DAB1: variants seen among roughly 807,000 people sequenced by gnomAD.
DAB1 encodes DAB adaptor protein 1.
DAB1 carries 15 observed loss-of-function variants against 64.6 expected under a neutral mutation model. The ratio of observed to expected loss-of-function variants is 0.23; its 90% CI spans 0.16 to 0.36. DAB1 has a LOEUF of 0.36. Among genes scored for constraint, DAB1 ranks in the 10% least tolerant of loss-of-function variants. The probability of loss-of-function intolerance (pLI) is 1.00; values close to 1 mark genes in which losing one functional copy is unlikely to be tolerated. For missense variants in DAB1, 596 were observed against 706.7 expected (o/e 0.84, Z 1.78); for synonymous variants, 235 against 251.9 (o/e 0.93, Z 0.64).
At chr1:57,318,754 A>ATT (rs201415053) in intron 1 of DAB1, among the ~76,000 whole-genome samples, 7 of 139,156 alleles carry the variant, frequency 5.0e-5, no homozygotes, top group East Asian at 4.1e-4. Context: ...AAAAAAAAAA[A>ATT]TTTCATCGGA....
intron 4 of DAB1, among the ~76,000 whole-genome samples, chr1:57,081,986 T>A (rs1271378120): frequency 6.6e-6 from 1 of 152,146 alleles, no homozygotes; most frequent in Non-Finnish European, 1.5e-5. Flanking sequence ...CAAACTTGAA[T>A]TAAAATACAT....
At chr1:57,095,566 A>G (rs1244801168) in intron 4 of DAB1, among the ~76,000 whole-genome samples, 1 of 152,208 alleles carries the variant, frequency 6.6e-6, no homozygotes. Flanking sequence ...TTGACGATTA[A>G]CGGCATCATA....
At chr1:58,425,370 C>T (rs1280420415) in intron 3 of DAB1, among the ~76,000 whole-genome samples, 1 of 152,224 alleles carries the variant, frequency 6.6e-6, no homozygotes, top group Admixed American at 6.5e-5. Context: ...CAGGGTCCAG[C>T]TGTTTCCCTG....
chr1:57,619,167 A>G (rs1401828307), intron 7 of DAB1, among the ~76,000 whole-genome samples: 1 of 152,206 alleles, frequency 6.6e-6, no homozygotes, highest in Non-Finnish European at 1.5e-5. Context: ...CCTTTATGAC[A>G]GGAATATGAT....
chr1:57,626,470 G>T (rs993333933), intron 7 of DAB1, among the ~76,000 whole-genome samples: 4 of 152,300 alleles, frequency 2.6e-5, no homozygotes, highest in Admixed American at 6.5e-5. Flanking sequence ...GATCATTAGC[G>T]TCAGAGGACG....
chr1:57,980,267 T>C (rs1325839192), intron 5 of DAB1, among the ~76,000 whole-genome samples: 2 of 121,362 alleles, frequency 1.6e-5, no homozygotes, highest in African/African-American at 6.0e-5. Flanking sequence ...CCATGGACTC[T>C]AAGCTCTGAC....
At chr1:58,148,724 A>G (rs563441913) in intron 5 of DAB1, among the ~76,000 whole-genome samples, 3 of 152,060 alleles carry the variant, frequency 2.0e-5, no homozygotes, top group East Asian at 1.9e-4. Flanking sequence ...TTATAAAACC[A>G]TCGGATCTCT....
At position 57,464,062 on chromosome 1, in the gene DAB1, T is replaced by A. The variant is rs561185568; in HGVS notation, n.626-172896A>T. Among the ~76,000 whole-genome samples, 5 of 152,332 alleles carry A rather than the reference T, an allele frequency of 3.3e-5. No homozygotes were observed. In the East Asian group the frequency reaches 9.6e-4, roughly 29 times the overall value. ...CTTGATTTTTTTCTTCGATCCTCAA[T>A]AAATGAATAAATACTTTCTAACATT... On this transcript the variant is annotated intron_variant and non_coding_transcript_variant, in intron 7 of 20. Transcript: ENST00000485760.
intron 7 of DAB1, among the ~76,000 whole-genome samples, chr1:57,476,322 A>T (rs1643937286): frequency 6.6e-6 from 1 of 151,956 alleles, no homozygotes; most frequent in South Asian, 2.1e-4. Context: ...TATCTGTAAC[A>T]TGCCCCAGAG....
At chr1:57,987,929 C>T (rs1050881433) in intron 5 of DAB1, among the ~76,000 whole-genome samples, 3 of 151,612 alleles carry the variant, frequency 2.0e-5, no homozygotes, top group Non-Finnish European at 2.9e-5. Context: ...ACTTGGGATG[C>T]GATCGCATGC....
At chr1:57,426,351 C>A (rs977036501), upstream of DAB1, among the ~76,000 whole-genome samples, 3 of 152,172 alleles carry the variant, frequency 2.0e-5, no homozygotes, top group Non-Finnish European at 2.9e-5. Flanking sequence ...GGGTAACAAG[C>A]AAAGCTTTTC....
chr1:58,219,208 C>T (rs1364703012), intron 4 of DAB1, among the ~76,000 whole-genome samples: 2 of 152,036 alleles, frequency 1.3e-5, no homozygotes, highest in African/African-American at 4.8e-5. Context: ...CCCCTCCTCA[C>T]ACAGAACTCT....
intron 8 of DAB1, among the ~76,000 whole-genome samples, chr1:57,065,916 A>G (rs192807040): frequency 0.016 from 2,367 of 152,170 alleles, 41 homozygotes; most frequent in South Asian, 0.02. Flanking sequence ...GTGATTTCCC[A>G]GTGTCCAGTC....
intron 5 of DAB1, among the ~76,000 whole-genome samples, chr1:58,010,119 T>C (rs1646646095): frequency 6.6e-6 from 1 of 152,196 alleles, no homozygotes; most frequent in African/African-American, 2.4e-5. Flanking sequence ...TGCTAAAAGC[T>C]GTTATTCAGA....
chr1:57,136,466 C>T, intron 4 of DAB1, 77 bp downstream of exon 4: 3 of 755,470 alleles, frequency 4.0e-6, no homozygotes, highest in Non-Finnish European at 4.1e-6. Flanking sequence ...TATATTCCTG[C>T]CCAGAGAGTA....
At chr1:57,102,102 T>A (rs1366337780) in intron 4 of DAB1, among the ~76,000 whole-genome samples, 3 of 152,168 alleles carry the variant, frequency 2.0e-5, no homozygotes, top group Non-Finnish European at 4.4e-5. Context: ...ACAATCAAAT[T>A]TCAATGCAGT....
intron 5 of DAB1, among the ~76,000 whole-genome samples, chr1:58,061,991 C>G (rs921486136): frequency 6.6e-6 from 1 of 152,178 alleles, no homozygotes; most frequent in East Asian, 1.9e-4. Flanking sequence ...TTTAACCTAA[C>G]CTCCATTTCA....
At chr1:57,182,042 C>T (rs112437613) in intron 2 of DAB1, among the ~76,000 whole-genome samples, 7,686 of 152,110 alleles carry the variant, frequency 0.051, 205 homozygotes, top group South Asian at 0.068. Context: ...CATGCCACCA[C>T]GCCCAGCTGA....
At chr1:57,047,494 T>C (rs1030211149) in intron 9 of DAB1, among the ~76,000 whole-genome samples, 8 of 152,094 alleles carry the variant, frequency 5.3e-5, no homozygotes, top group African/African-American at 1.9e-4. Flanking sequence ...TTCCTCTCTC[T>C]GTTCCCACCC....
Sources: gnomAD v4.1 joint callset for allele counts (sites outside exome capture counted in the v4.1 genomes callset) on GRCh38, gnomAD v4.1.1 for gene constraint, MANE v1.5 for transcripts, NCBI Gene and HGNC (gene_info 2026-07-23, HGNC 2026-07-21) for gene names.